The following ACADS variants were observed in gnomAD, a reference collection of about 807,000 sequenced individuals.
ACADS encodes the protein acyl-CoA dehydrogenase short chain.
Under a neutral mutation model 46.8 loss-of-function variants are expected in ACADS, and 28 were observed. That is an observed-to-expected ratio of 0.60 (90% CI 0.44 to 0.82). ACADS has a LOEUF of 0.82. Ranked by LOEUF, ACADS falls within the 40% of genes least tolerant of loss-of-function variation. The pLI is 0.00. For synonymous variants in ACADS, 236 were observed against 237.7 expected, an observed-to-expected ratio of 0.99 and a Z score of 0.07; for missense variants, 528 against 578.0, an observed-to-expected ratio of 0.91 and a Z score of 0.89.
Position 120,728,758 on chromosome 12 carries a change from C to T in ACADS, c.210+1569C>T, listed in dbSNP as rs559441674. On this transcript the variant is annotated intron_variant, in intron 2 of 9. Coordinates refer to ENST00000242592, the MANE Select transcript of ACADS (RefSeq NM_000017.4). The surrounding 1 kb of genome is among the most constrained non-coding windows in gnomAD (Gnocchi z 4.0). ...CTGAGCTCAGGCAATCCACCCGCCTCGGCCTCGCAAAGTGCTGGGATTACA... is the reference window on the plus strand; with the variant it reads ...CTGAGCTCAGGCAATCCACCCGCCTTGGCCTCGCAAAGTGCTGGGATTACA... Among the ~76,000 whole-genome samples the T allele has an allele frequency of 3.1e-4, 47 of 151,690 alleles. No homozygotes were observed. The highest frequency in any genetic ancestry group is 1.0e-3 in the African/African-American group (43 of 41,346).
rs940016583 is a variant in ACADS at position 120,728,284 on chromosome 12, G to A, written c.210+1095G>A. 6.6e-6 allele frequency among the ~76,000 whole-genome samples: 1 copy of A among 151,926 alleles called. No homozygotes were observed. The highest frequency in any genetic ancestry group is 2.4e-5 in the African/African-American group (1 of 41,360). On this transcript the variant is annotated intron_variant, in intron 2 of 9. Coordinates refer to ENST00000242592, the MANE Select transcript of ACADS (RefSeq NM_000017.4). The surrounding 1 kb of genome is among the most constrained non-coding windows in gnomAD (Gnocchi z 4.0). ...TTTCTCCCCTGAGTTTCCCATCAGC[G>A]CGCTCCCTCCCGTGCCACTGTGTTC...
At position 120,727,034 on chromosome 12, in the gene ACADS, C is replaced by G; in HGVS notation, c.55C>G (p.Pro19Ala). ...ASGPARRALC[P>A]RAWRQLHTIY... ...TCTGCCCTTGCCGGCAGCTCTCTGT[C>G]CTAGGGCCTGGCGGCAGTTACACAC... Residue 19 changes from proline to alanine, a missense_variant, in exon 2 of 10, where the codon CCT becomes GCT. Pro to Ala is a conservative substitution (Grantham distance 27). Coordinates refer to ENST00000242592, the MANE Select transcript of ACADS (RefSeq NM_000017.4). 2 of 1,614,176 alleles carry G rather than the reference C, an allele frequency of 1.2e-6. No homozygotes were observed. The highest frequency in any genetic ancestry group is 1.7e-6 in the Non-Finnish European group (2 of 1,180,030).
chr12:120,727,103 C>T lies in ACADS; in HGVS notation c.124C>T (p.Leu42Phe), dbSNP rs143948985. The change falls in exon 2 of 10, where the codon CTC (leucine) becomes TTC (phenylalanine). Residue 42 changes from leucine to phenylalanine, a missense_variant. Leu to Phe is a conservative substitution (Grantham distance 22). Coordinates refer to ENST00000242592, the MANE Select transcript of ACADS (RefSeq NM_000017.4). Reference sequence around the variant, plus strand: ...ACTGCCCGAGACACACCAGATGTTGCTCCAGACATGCCGGGACTTTGCCGA... The same window carrying T: ...ACTGCCCGAGACACACCAGATGTTGTTCCAGACATGCCGGGACTTTGCCGA... ...VELPETHQML[L>F]QTCRDFAEKE... The T allele has an allele frequency of 3.7e-6, 6 of 1,614,068 alleles. No individual in the cohort carries two copies. In the African/African-American group the frequency reaches 6.7e-5, roughly 18 times the overall value.
rs147442301 is a variant in ACADS, at chr12:120,727,143, C to T, written c.164C>T (p.Pro55Leu). 2.2e-5 allele frequency: 36 copies of T among 1,614,154 alleles called. No homozygotes were observed. The East Asian group carries it at 7.6e-4, about 34-fold the overall frequency. The change falls in exon 2 of 10, where the codon CCC becomes CTC. Residue 55 changes from proline to leucine, a missense_variant. By Grantham distance (98) the Pro-to-Leu change is moderately conservative. Transcript: ENST00000242592. Reference protein sequence around the residue: ...CRDFAEKELFPIAAQVDKEHL... With the variant: ...CRDFAEKELFLIAAQVDKEHL... ...GACTTTGCCGAGAAGGAGTTGTTTCCCATTGCAGCCCAGGTGGATAAGGAA... is the reference window on the plus strand; with the variant it reads ...GACTTTGCCGAGAAGGAGTTGTTTCTCATTGCAGCCCAGGTGGATAAGGAA...
In ACADS at chr12:120,735,898, CAAAATAAAAT is replaced by C. The variant is rs72432001; in HGVS notation, c.211-1065_211-1056del. On this transcript the variant is annotated intron_variant, in intron 2 of 9. Transcript: ENST00000242592. ...TGGGCAACAGAACAATACTCTGTCA[CAAAATAAAAT>C]AAAATAAAATAAAATAAAATAACAT... Among the ~76,000 whole-genome samples the C allele has an allele frequency of 3.3e-3, 493 of 149,698 alleles. 6 individuals are homozygous for C. Among genetic ancestry groups the C allele is most frequent in the South Asian group, 0.032 (150 of 4,620 alleles).
At chr12:120,732,283 C>G (rs1340001272) in intron 2 of ACADS, among the ~76,000 whole-genome samples, 1 of 150,082 alleles carries the variant, frequency 6.7e-6, no homozygotes, top group Non-Finnish European at 1.5e-5. Context: ...ACCTCCCTCC[C>G]GGACGGGGCG....
Position 120,728,039 on chromosome 12 carries a change from C to G in ACADS, c.210+850C>G, listed in dbSNP as rs1403620355. Among the ~76,000 whole-genome samples the G allele has an allele frequency of 6.6e-6, 1 of 152,114 alleles. No individual in the cohort carries two copies. Among genetic ancestry groups the G allele is most frequent in the Admixed American group, 6.5e-5 (1 of 15,268 alleles). ...CTCAACGCACTGCACCCCTCTGCCT[C>G]CTGGGTTCAAGCAATTCTCCTGCCT... On this transcript the variant is annotated intron_variant, in intron 2 of 9. Transcript: ENST00000242592. The surrounding 1 kb of genome is among the most constrained non-coding windows in gnomAD (Gnocchi z 4.0).
intron 2 of ACADS, among the ~76,000 whole-genome samples, chr12:120,732,246 C>T (rs1385877991): frequency 6.1e-5 from 9 of 148,426 alleles, no homozygotes; most frequent in African/African-American, 1.5e-4. Flanking sequence ...CCGGACGGGG[C>T]GGCTGGCCGG....
intron 1 of ACADS, among the ~76,000 whole-genome samples, 181 bp from the exon 2 acceptor site, chr12:120,726,845 G>T (rs1883099806): frequency 6.6e-6 from 1 of 152,190 alleles, no homozygotes; most frequent in South Asian, 2.1e-4. Context: ...AGGGATCCCG[G>T]ACCCCTATCC....
Position 120,738,355 on chromosome 12 carries a change from C to T in ACADS, c.700C>T (p.Arg234Trp), listed in dbSNP as rs532174593. 3.2e-5 allele frequency: 52 copies of T among 1,614,178 alleles called. No individual in the cohort carries two copies. Among genetic ancestry groups the T allele is most frequent in the Middle Eastern group, 1.6e-4 (1 of 6,062 alleles). Residue 234 changes from arginine to tryptophan, a missense_variant, in exon 6 of 10, where the codon CGG (arginine) becomes TGG (tryptophan). Arg to Trp is a moderately radical substitution (Grantham distance 101). Transcript: ENST00000242592. ...LGKKEDKLGI[R>W]GSSTANLIFE... ...GAAGAAAGAAGACAAGCTGGGCATC[C>T]GGGGCTCATCCACGGCCAACCTCAT...
chr12:120,738,763 CT>C (rs1310196035), intron 7 of ACADS, 56 bp from the exon 8 acceptor site: 1 of 1,611,684 alleles, frequency 6.2e-7, no homozygotes, highest in Non-Finnish European at 8.5e-7. Context: ...CTCCCCCTCC[CT>C]TCTGTCCCCT....
intron 2 of ACADS, among the ~76,000 whole-genome samples, chr12:120,733,581 TG>T (rs1883338971): frequency 1.1e-5 from 1 of 89,024 alleles, no homozygotes; most frequent in Non-Finnish European, 2.4e-5. Flanking sequence ...GCTGAAATGG[TG>T]CCTGCTGAAA....
At chr12:120,731,308 G>T (rs1002073893) in intron 2 of ACADS, among the ~76,000 whole-genome samples, 2 of 151,780 alleles carry the variant, frequency 1.3e-5, no homozygotes, top group Non-Finnish European at 2.9e-5. Flanking sequence ...AGAAACAGGG[G>T]TATCATCATG....
At chr12:120,734,202 C>G (rs758911299) in intron 2 of ACADS, among the ~76,000 whole-genome samples, 1 of 152,224 alleles carries the variant, frequency 6.6e-6, no homozygotes, top group Non-Finnish European at 1.5e-5. Context: ...GCTTCACTTA[C>G]GTGTGCAAAG....
chr12:120,731,629 A>AT (rs1156290251), intron 2 of ACADS, among the ~76,000 whole-genome samples: 1 of 149,502 alleles, frequency 6.7e-6, no homozygotes, highest in African/African-American at 2.5e-5. Context: ...TAATTCTTGT[A>AT]TTTATTTTAT....
In ACADS at chr12:120,728,227, G is replaced by A. The variant is rs372866223; in HGVS notation, c.210+1038G>A. Among the ~76,000 whole-genome samples, 795 of 152,274 alleles carry A rather than the reference G, an allele frequency of 5.2e-3. 5 individuals are homozygous for A. The highest frequency in any genetic ancestry group is 0.018 in the African/African-American group (731 of 41,560). On this transcript the variant is annotated intron_variant, in intron 2 of 9. Transcript: ENST00000242592. The surrounding 1 kb of genome is among the most constrained non-coding windows in gnomAD (Gnocchi z 4.0). ...GTCCCAAAGTGCTGGGATTACAGGC[G>A]TGAGCCACCGTGCCCGGCCTGCTTG...
chr12:120,736,736 T>C (rs1883450087), intron 2 of ACADS, among the ~76,000 whole-genome samples: 1 of 152,146 alleles, frequency 6.6e-6, no homozygotes, highest in South Asian at 2.1e-4. Flanking sequence ...CTCGCTGCCG[T>C]GGCTGTGGAC....
At chr12:120,733,405 C>T (rs1883328639) in intron 2 of ACADS, among the ~76,000 whole-genome samples, 1 of 152,166 alleles carries the variant, frequency 6.6e-6, no homozygotes, top group Non-Finnish European at 1.5e-5. Context: ...TGGCAAAGTA[C>T]TCTGAAGTGT....
intron 2 of ACADS, among the ~76,000 whole-genome samples, chr12:120,733,739 C>A (rs1036765290): frequency 2.0e-5 from 3 of 151,828 alleles, no homozygotes; most frequent in Non-Finnish European, 4.4e-5. Flanking sequence ...GGATGAGTTT[C>A]CTATTGCTGC....
Sources: gnomAD v4.1 joint callset for allele counts (sites outside exome capture counted in the v4.1 genomes callset) on GRCh38, gnomAD v4.1.1 for gene constraint, Gnocchi (gnomAD v3.1) non-coding constraint, MANE v1.5 for transcripts, NCBI Gene and HGNC (gene_info 2026-07-23, HGNC 2026-07-21) for gene names.